The following IL15RA variants were observed in gnomAD, a reference collection of about 807,000 sequenced individuals.
IL15RA encodes interleukin-15 receptor subunit alpha.
A neutral mutation model predicts 24.2 loss-of-function variants in IL15RA; 26 were observed. The observed-to-expected ratio is 1.07, with a 90% CI of 0.79 to 1.49. The LOEUF (loss-of-function observed/expected upper bound fraction) is 1.49. Ranked by LOEUF, IL15RA falls within the 40% of genes most tolerant of loss-of-function variation. The pLI, the probability that IL15RA is intolerant of heterozygous loss-of-function variation, is 0.00. For missense variants in IL15RA, 354 were observed against 356.4 expected (o/e 0.99, Z 0.05); for synonymous variants, 166 against 157.6 (o/e 1.05, Z -0.40).
Position 5,970,611 on chromosome 10 carries a change from C to G in IL15RA, c.89-4272G>C, listed in dbSNP as rs1837414954. ...TATCAATGTACTACAGCCAATCCAACCAGGCAAATGGTGGCCAGTTACTTA... is the reference window on the plus strand; with the variant it reads ...TATCAATGTACTACAGCCAATCCAAGCAGGCAAATGGTGGCCAGTTACTTA... On this transcript the variant is annotated intron_variant, in intron 1 of 6. Coordinates refer to ENST00000379977, the MANE Select transcript of IL15RA (RefSeq NM_002189.4). This position sits in a 1 kb window ranked among gnomAD's most constrained non-coding sequence, Gnocchi z 4.1. 6.6e-6 allele frequency among the ~76,000 whole-genome samples: 1 copy of G among 151,888 alleles called. No individual in the cohort carries two copies. The highest frequency in any genetic ancestry group is 1.5e-5 in the Non-Finnish European group (1 of 68,026).
In IL15RA at chr10:5,969,690, A is replaced by G. The variant is rs78149557; in HGVS notation, c.89-3351T>C. Among the ~76,000 whole-genome samples the G allele has an allele frequency of 4.0e-3, 616 of 152,342 alleles. 8 individuals carry two copies. Among genetic ancestry groups the G allele is most frequent in the Admixed American group, 0.032 (484 of 15,306 alleles). ...ACTGAATTTAACAAACAGTGTATCA[A>G]TGTCTACCAACAAAAGCCTGCTAAA... On this transcript the variant is annotated intron_variant, in intron 1 of 6. Coordinates refer to ENST00000379977, the MANE Select transcript of IL15RA (RefSeq NM_002189.4).
Position 5,966,224 on chromosome 10 carries a change from GC to G in IL15RA, c.203del (p.Gly68AlafsTer5). The G allele has an allele frequency of 5.0e-6, 8 of 1,614,142 alleles. No individual in the cohort carries two copies. The highest frequency in any genetic ancestry group is 1.1e-5 in the South Asian group (1 of 91,080). The part of the protein sequence containing the change: ...ICNSGFKRKA[G>X]TSSLTECVLN... ...ACACGCACTCCGTCAGGCTGGACGT[GC>G]CGGCTTTACGCTTGAAACCAGAGTT... On this transcript the variant is annotated frameshift_variant, in exon 2 of 7. Transcript: ENST00000379977. LOFTEE classifies it high-confidence loss of function. This position sits in a 1 kb window ranked among gnomAD's most constrained non-coding sequence, Gnocchi z 6.4.
intron 1 of IL15RA, among the ~76,000 whole-genome samples, chr10:5,974,076 C>T (rs896811921): frequency 4.6e-5 from 7 of 152,100 alleles, no homozygotes; most frequent in Admixed American, 1.3e-4. Flanking sequence ...CTCTGCTCAC[C>T]GCAACCTCTG....
intron 1 of IL15RA, among the ~76,000 whole-genome samples, chr10:5,969,681 A>AGTGT (rs1837274907): frequency 6.6e-6 from 1 of 152,232 alleles, no homozygotes; most frequent in African/African-American, 2.4e-5. Flanking sequence ...TTTAACAAAC[A>AGTGT]GTGTATCAAT....
intron 1 of IL15RA, among the ~76,000 whole-genome samples, chr10:5,972,413 G>A (rs41294197): frequency 0.011 from 1,604 of 151,856 alleles, 28 homozygotes; most frequent in Admixed American, 0.035. Flanking sequence ...TCGCTTTGTC[G>A]CCCAGGCTGG....
rs1835680620 is a variant in IL15RA, at chr10:5,962,120, TCTC to T, written c.383-1556_383-1554del. ...GGGCTGGGAGAGCCTACTTGATCAT[TCTC>T]CTCCTTGGGTGAACCAGGTGTGACT... On this transcript the variant is annotated intron_variant, in intron 3 of 6. Transcript: ENST00000379977. This position sits in a 1 kb window ranked among gnomAD's most constrained non-coding sequence, Gnocchi z 5.2. Among the ~76,000 whole-genome samples the T allele has an allele frequency of 6.6e-6, 1 of 152,140 alleles. No individual in the cohort carries two copies. The highest frequency in any genetic ancestry group is 2.4e-5 in the African/African-American group (1 of 41,434).
Position 5,959,524 on chromosome 10 carries a change from C to T in IL15RA, c.616+230G>A, listed in dbSNP as rs1417764371. 6.6e-6 allele frequency among the ~76,000 whole-genome samples: 1 copy of T among 152,224 alleles called. No homozygotes were observed. The highest frequency in any genetic ancestry group is 1.5e-5 in the Non-Finnish European group (1 of 68,050). The stretch of plus-strand genomic sequence containing the variant: ...GGTGCCAGCTCTCTGGGTTCAACCC[C>T]AGTAGCCTGACAGCTAGAAGCTACC... On this transcript the variant is annotated intron_variant, in intron 5 of 6. Transcript: ENST00000379977. This position sits in a 1 kb window ranked among gnomAD's most constrained non-coding sequence, Gnocchi z 4.1.
In IL15RA at chr10:5,971,415, A is replaced by C. The variant is rs1357787140; in HGVS notation, c.89-5076T>G. Among the ~76,000 whole-genome samples the C allele has an allele frequency of 6.6e-6, 1 of 152,332 alleles. No individual in the cohort carries two copies. The highest frequency in any genetic ancestry group is 3.4e-3 in the Middle Eastern group (1 of 294). Reference sequence around the variant, plus strand: ...TCTTTCTGTTTCCCAGAACCTGTGAATCACACTTCCTTATCTATCAGGTTG... The same window carrying C: ...TCTTTCTGTTTCCCAGAACCTGTGACTCACACTTCCTTATCTATCAGGTTG... On this transcript the variant is annotated intron_variant, in intron 1 of 6. Transcript: ENST00000379977. This position sits in a 1 kb window ranked among gnomAD's most constrained non-coding sequence, Gnocchi z 5.5.
At position 5,963,788 on chromosome 10, in the gene IL15RA, C is replaced by A; in HGVS notation, c.337G>T (p.Ala113Ser). 1 of 1,534,308 alleles carries A rather than the reference C, an allele frequency of 6.5e-7. No homozygotes were observed. The highest frequency in any genetic ancestry group is 8.7e-7 in the Non-Finnish European group (1 of 1,152,712). ...RPAPPSTVTT[A>S]GVTPQPESLS... The stretch of plus-strand genomic sequence containing the variant: ...CTCTCTGGCTGTGGGGTCACCCCTG[C>A]CGTCGTTACTGTGGAGGGTGGCGCT... The change falls in exon 3 of 7, where the codon GCA (alanine) becomes TCA (serine). Residue 113 changes from alanine (A) to serine (S), a missense_variant. Coordinates refer to ENST00000379977, the MANE Select transcript of IL15RA (RefSeq NM_002189.4). This position sits in a 1 kb window ranked among gnomAD's most constrained non-coding sequence, Gnocchi z 5.3.
Position 5,964,580 on chromosome 10 carries a change from A to G in IL15RA, c.284-739T>C, listed in dbSNP as rs1296144519. Among the ~76,000 whole-genome samples the G allele has an allele frequency of 6.6e-6, 1 of 152,198 alleles. No homozygotes were observed. The highest frequency in any genetic ancestry group is 1.5e-5 in the Non-Finnish European group (1 of 68,034). On this transcript the variant is annotated intron_variant, in intron 2 of 6. Coordinates refer to ENST00000379977, the MANE Select transcript of IL15RA (RefSeq NM_002189.4). This position sits in a 1 kb window ranked among gnomAD's most constrained non-coding sequence, Gnocchi z 5.6. ...GTGGAAGGATCCTTTGGGCTAGGTGAAACCTAAAGAGGCCTCCAGTCTTTG... is the reference window on the plus strand; with the variant it reads ...GTGGAAGGATCCTTTGGGCTAGGTGGAACCTAAAGAGGCCTCCAGTCTTTG...
At chr10:5,957,509 C>T (rs903204475) in intron 5 of IL15RA, among the ~76,000 whole-genome samples, 1 of 149,888 alleles carries the variant, frequency 6.7e-6, no homozygotes, top group African/African-American at 2.5e-5. Context: ...CTCCTGACCT[C>T]GTGATCCGCC....
intron 1 of IL15RA, among the ~76,000 whole-genome samples, chr10:5,972,701 T>C (rs1837811370): frequency 6.6e-6 from 1 of 152,206 alleles, no homozygotes. Flanking sequence ...TACTTCTTGA[T>C]CTTCTTCTAG....
At chr10:5,950,334 G>C (rs1284179842), downstream of IL15RA, among the ~76,000 whole-genome samples, 3 of 152,126 alleles carry the variant, frequency 2.0e-5, no homozygotes, top group Non-Finnish European at 4.4e-5. The surrounding 1 kb of genome is among the most constrained non-coding windows in gnomAD (Gnocchi z 5.6). Flanking sequence ...CGGGTATATT[G>C]TGTGATGCTG....
Position 5,961,455 on chromosome 10 carries a change from C to G in IL15RA, c.383-888G>C, listed in dbSNP as rs534128086. ...AAGAAAAGGTGTCAAAGATCTGAGT[C>G]GTTCAGCTTGTTTACTAGAGAAGGC... On this transcript the variant is annotated intron_variant, in intron 3 of 6. Transcript: ENST00000379977. The surrounding 1 kb of genome is among the most constrained non-coding windows in gnomAD (Gnocchi z 5.2). Among the ~76,000 whole-genome samples, 13 of 152,096 alleles carry G rather than the reference C, an allele frequency of 8.5e-5. No homozygotes were observed. Among genetic ancestry groups the G allele is most frequent in the Non-Finnish European group, 8.8e-5 (6 of 68,024 alleles).
chr10:5,972,892 A>G (rs1310480227), intron 1 of IL15RA, among the ~76,000 whole-genome samples: 1 of 152,236 alleles, frequency 6.6e-6, no homozygotes, highest in Non-Finnish European at 1.5e-5. Context: ...TAAAATGGAT[A>G]GGAAATAAAA....
rs760096550 is a variant in IL15RA at position 5,960,470 on chromosome 10, T to C, written c.480A>G (p.Thr160=). The C allele has an allele frequency of 1.2e-6, 2 of 1,614,070 alleles. No individual in the cohort carries two copies. Among genetic ancestry groups the C allele is most frequent in the Non-Finnish European group, 1.7e-6 (2 of 1,179,986 alleles). ...CATGACTGCTTATCTCTGTGGTTCC[T>C]GTGGAAGGTGATTTTGAAGGCATCA... ...SQLMPSKSPS[T]GTTEISSHES... Residue 160 remains threonine, a synonymous_variant, in exon 4 of 7, where the codon ACA becomes ACG. Transcript: ENST00000379977. The surrounding 1 kb of genome is among the most constrained non-coding windows in gnomAD (Gnocchi z 5.1).
rs139378798 is a variant in IL15RA, at chr10:5,975,298, T to G, written c.88+2107A>C. On this transcript the variant is annotated intron_variant, in intron 1 of 6. Coordinates refer to ENST00000379977, the MANE Select transcript of IL15RA (RefSeq NM_002189.4). This position sits in a 1 kb window ranked among gnomAD's most constrained non-coding sequence, Gnocchi z 4.8. ...TACAAATTACAACATGGATAAATTC[T>G]CAGGATAATTACTGTCTGTGAAAAA... Among the ~76,000 whole-genome samples, 3 of 152,336 alleles carry G rather than the reference T, an allele frequency of 2.0e-5. No individual in the cohort carries two copies. Among genetic ancestry groups the G allele is most frequent in the African/African-American group, 7.2e-5 (3 of 41,584 alleles).
chr10:5,974,314 T>A (rs1420066592), intron 1 of IL15RA, among the ~76,000 whole-genome samples: 1 of 152,060 alleles, frequency 6.6e-6, no homozygotes, highest in Non-Finnish European at 1.5e-5. Context: ...CAATTCAATT[T>A]TTAAGAGAGC....
rs1007337655 is a variant in IL15RA, at chr10:5,963,894, C to G, written c.284-53G>C. The stretch of plus-strand genomic sequence containing the variant: ...TATGATCCTGAGCCTGGAACCTGGG[C>G]TGGCTTCAGAACGGGATACAAATAA... On this transcript the variant is annotated intron_variant, in intron 2 of 6. Transcript: ENST00000379977. This position sits in a 1 kb window ranked among gnomAD's most constrained non-coding sequence, Gnocchi z 5.3. The G allele has an allele frequency of 1.6e-6, 2 of 1,214,180 alleles. No individual in the cohort carries two copies. The highest frequency in any genetic ancestry group is 3.2e-5 in the African/African-American group (2 of 63,412). The allele number at this position is 1,214,180 out of a possible 1,614,324, so 75.2% of individuals were successfully genotyped here.
Sources: allele counts gnomAD v4.1 joint callset (sites outside exome capture counted in the v4.1 genomes callset), GRCh38; gene constraint gnomAD v4.1.1; non-coding constraint Gnocchi (gnomAD v3.1); transcripts MANE v1.5; gene names NCBI Gene and HGNC (gene_info 2026-07-23, HGNC 2026-07-21).